CCDC38: variants seen among roughly 807,000 people sequenced by gnomAD.
CCDC38 encodes the protein coiled-coil domain-containing protein 38.
Under a neutral mutation model 72.8 loss-of-function variants are expected in CCDC38, and 69 were observed. That is an observed-to-expected ratio of 0.95 (90% CI 0.78 to 1.16). The LOEUF (loss-of-function observed/expected upper bound fraction) is 1.16. CCDC38 is among the 50% of genes most tolerant of loss of function. CCDC38 has a pLI of 0.00. For synonymous variants in CCDC38, 201 were observed against 213.2 expected (o/e 0.94, Z 0.50); for missense variants, 626 against 638.9 (o/e 0.98, Z 0.22).
chr12:95,878,182 G>T, intron 13 of CCDC38, 29 bp downstream of exon 13: 1 of 1,608,996 alleles, frequency 6.2e-7, no homozygotes, highest in Non-Finnish European at 8.5e-7. Context: ...GAGCCAAAAT[G>T]AAATCACCAT....
At chr12:95,875,871 T>A (rs1474162419) in intron 13 of CCDC38, among the ~76,000 whole-genome samples, 1 of 152,198 alleles carries the variant, frequency 6.6e-6, no homozygotes, top group Non-Finnish European at 1.5e-5. Context: ...GCCTCAATGT[T>A]AAAGAGTATC....
intron 4 of CCDC38, among the ~76,000 whole-genome samples, chr12:95,910,765 A>G (rs192157424): frequency 6.6e-6 from 1 of 152,332 alleles, no homozygotes; most frequent in Admixed American, 6.5e-5. Context: ...TCACAGGACT[A>G]AGCCAGGAGG....
At chr12:95,885,080 A>G (rs978451943) in intron 10 of CCDC38, 2 of 152,278 alleles carry the variant, frequency 1.3e-5, no homozygotes, top group African/African-American at 2.4e-5. Context: ...TTTGAAAAAC[A>G]GGAATTACAT....
At chr12:95,905,288 C>G (rs1237925412) in intron 5 of CCDC38, among the ~76,000 whole-genome samples, 1 of 151,930 alleles carries the variant, frequency 6.6e-6, no homozygotes, top group Non-Finnish European at 1.5e-5. Flanking sequence ...GATAAGTGGA[C>G]ACTTCACCAA....
chr12:95,928,097 T>C (rs1322140530), intron 2 of CCDC38, among the ~76,000 whole-genome samples: 4 of 150,796 alleles, frequency 2.7e-5, no homozygotes, highest in African/African-American at 4.9e-5. Context: ...CCTTGCTAGA[T>C]TGGGGAAGTT....
intron 5 of CCDC38, chr12:95,903,513 T>G: frequency 1.4e-6 from 1 of 697,616 alleles, no homozygotes; most frequent in Non-Finnish European, 2.6e-6. Flanking sequence ...ATATGTAATG[T>G]TAGTGATAAG....
chr12:95,914,317 C>A (rs1475584998), intron 4 of CCDC38, among the ~76,000 whole-genome samples: 1 of 152,144 alleles, frequency 6.6e-6, no homozygotes, highest in African/African-American at 2.4e-5. Flanking sequence ...GAGAAAGACT[C>A]CGTCTCAAAA....
chr12:95,898,189 C>T (rs2079911173), intron 7 of CCDC38, among the ~76,000 whole-genome samples, 196 bp downstream of exon 7: 1 of 152,208 alleles, frequency 6.6e-6, no homozygotes, highest in Admixed American at 6.5e-5. Context: ...GACTTTCCAA[C>T]CGGAAGCCAC....
At position 95,933,495 on chromosome 12, in the gene CCDC38, TTTGA is replaced by T. The variant is rs367910962; in HGVS notation, c.37+2974_37+2977del. 1.4e-3 allele frequency: 217 copies of T among 152,346 alleles called. 1 individual carries two copies. Among genetic ancestry groups the T allele is most frequent in the African/African-American group, 4.5e-3 (189 of 41,586 alleles). 9.4% of individuals were successfully genotyped at this position (152,346 alleles called of 1,614,324 possible). A position where few individuals can be genotyped will look rare whatever the true frequency, so the allele number is the denominator to read the frequency against. On this transcript the variant is annotated intron_variant, in intron 2 of 15. Coordinates refer to ENST00000344280, the MANE Select transcript of CCDC38 (RefSeq NM_182496.3). ...CAAATAAAGACCATAATTTCACCCA[TTTGA>T]TTGGCAAAGCATTAAAAAACTTGAC...
intron 2 of CCDC38, chr12:95,935,057 C>G (rs917981301): frequency 6.6e-6 from 1 of 152,086 alleles, no homozygotes; most frequent in Non-Finnish European, 1.5e-5. Context: ...CATAACCAAC[C>G]CTTTCCAATG....
At chr12:95,878,690 GGAAAATATA>G (rs2079664769) in intron 12 of CCDC38, among the ~76,000 whole-genome samples, 1 of 152,016 alleles carries the variant, frequency 6.6e-6, no homozygotes, top group Non-Finnish European at 1.5e-5. Flanking sequence ...GAGCCGAGAG[GGAAAATATA>G]GACTCCTAAT....
At chr12:95,935,917 A>G (rs771189464) in intron 2 of CCDC38, among the ~76,000 whole-genome samples, 1 of 152,002 alleles carries the variant, frequency 6.6e-6, no homozygotes, top group Non-Finnish European at 1.5e-5. Flanking sequence ...TGTCTCTACT[A>G]AAAACACAAA....
Position 95,870,485 on chromosome 12 carries a change from ATTAGGTGCCGTG to A in CCDC38, c.1485-924_1485-913del, listed in dbSNP as rs762130594. Reference sequence around the variant, plus strand: ...ATGTACTGAGCATTTTTATTGCAAAATTAGGTGCCGTGTTAGGTGCCCCAAACCATGGGGAAA... The same window carrying A: ...ATGTACTGAGCATTTTTATTGCAAAATTAGGTGCCCCAAACCATGGGGAAA... On this transcript the variant is annotated intron_variant, in intron 14 of 15. Coordinates refer to ENST00000344280, the MANE Select transcript of CCDC38 (RefSeq NM_182496.3). 2.0e-5 allele frequency among the ~76,000 whole-genome samples: 3 copies of A among 152,340 alleles called. No homozygotes were observed. In the East Asian group the frequency reaches 5.8e-4, roughly 29 times the overall value.
intron 7 of CCDC38, 63 bp downstream of exon 7, chr12:95,898,321 TG>T: frequency 6.9e-7 from 1 of 1,458,382 alleles, no homozygotes; most frequent in Non-Finnish European, 9.6e-7. Context: ...AGGTCTTACC[TG>T]GCATGAATAG....
intron 1 of CCDC38, among the ~76,000 whole-genome samples, chr12:95,938,876 C>T (rs2080420563): frequency 6.6e-6 from 1 of 152,196 alleles, no homozygotes; most frequent in Non-Finnish European, 1.5e-5. Flanking sequence ...TAGCAAATGC[C>T]TGAAAGTTCA....
At chr12:95,877,791 G>T (rs192053084) in intron 13 of CCDC38, among the ~76,000 whole-genome samples, 1 of 152,286 alleles carries the variant, frequency 6.6e-6, no homozygotes, top group East Asian at 1.9e-4. Flanking sequence ...CAAAAATCTA[G>T]TACAGGCTCA....
At chr12:95,890,250 A>T (rs2079809722) in intron 9 of CCDC38, among the ~76,000 whole-genome samples, 1 of 152,178 alleles carries the variant, frequency 6.6e-6, no homozygotes, top group African/African-American at 2.4e-5. Context: ...ACCAAGCCAA[A>T]CAACACCAAA....
chr12:95,867,177 G>A lies in CCDC38; in HGVS notation c.1591C>T (p.Leu531Phe). ...GATGGAGGTTTTGAATGAAAGACAA[G>A]TCGTCTTCCCAACTGAAACAAAAGA... ...AQPKKKLGRR[L>F]VFHSKPPSGN... Residue 531 changes from leucine (L) to phenylalanine (F), a missense_variant, in exon 16 of 16, where the codon CTT (leucine) becomes TTT (phenylalanine). Coordinates refer to ENST00000344280, the MANE Select transcript of CCDC38 (RefSeq NM_182496.3). 5.1e-6 allele frequency: 8 copies of A among 1,577,610 alleles called. No homozygotes were observed. The highest frequency in any genetic ancestry group is 6.9e-6 in the Non-Finnish European group (8 of 1,151,098).
At chr12:95,897,681 GAA>G (rs1165377506) in intron 7 of CCDC38, among the ~76,000 whole-genome samples, 1 of 149,704 alleles carries the variant, frequency 6.7e-6, no homozygotes, top group Non-Finnish European at 1.5e-5. Context: ...ATCCAAGTTT[GAA>G]AAAGAGTGGC....
Sources: allele counts gnomAD v4.1 joint callset (sites outside exome capture counted in the v4.1 genomes callset), GRCh38; gene constraint gnomAD v4.1.1; transcripts MANE v1.5; gene names NCBI Gene and HGNC (gene_info 2026-07-23, HGNC 2026-07-21).